Variants in ALG10B observed in about 807,000 individuals in gnomAD.
ALG10B encodes ALG10 alpha-1,2-glucosyltransferase B.
A neutral mutation model predicts 38.7 loss-of-function variants in ALG10B; 27 were observed. The ratio of observed to expected loss-of-function variants is 0.70; its 90% CI spans 0.51 to 0.96. The LOEUF (loss-of-function observed/expected upper bound fraction) is 0.96. Among genes scored for constraint, ALG10B ranks in the 40% least tolerant of loss-of-function variants. The pLI, the probability that ALG10B is intolerant of heterozygous loss-of-function variation, is 0.00. For missense variants in ALG10B, 522 were observed against 542.7 expected, an observed-to-expected ratio of 0.96 and a Z score of 0.38; for synonymous variants, 177 against 193.3, an observed-to-expected ratio of 0.92 and a Z score of 0.70.
At position 38,320,811 on chromosome 12, in the gene ALG10B, C is replaced by G; in HGVS notation, c.1020C>G (p.Phe340Leu). 2.5e-6 allele frequency: 4 copies of G among 1,613,764 alleles called. No individual in the cohort carries two copies. Among genetic ancestry groups the G allele is most frequent in the South Asian group, 2.2e-5 (2 of 91,044 alleles). The change falls in exon 3 of 3, where the codon TTC (phenylalanine) becomes TTG (leucine). Residue 340 changes from phenylalanine to leucine, a missense_variant. Physicochemically the swap from Phe to Leu is conservative, Grantham distance 22 (BLOSUM62 0). Coordinates refer to ENST00000308742, the MANE Select transcript of ALG10B (RefSeq NM_001013620.4). ...TLVSVFLVWK[F>L]TYAHKYLLAD... Reference sequence around the variant, plus strand: ...TCTCTGTGTTTTTAGTTTGGAAATTCACTTATGCTCATAAATACTTGCTAG... The same window carrying G: ...TCTCTGTGTTTTTAGTTTGGAAATTGACTTATGCTCATAAATACTTGCTAG...
At position 38,325,889 on chromosome 12, in the gene ALG10B, T is replaced by C. The variant is rs1945739983; in HGVS notation, c.*4676T>C. The C allele has an allele frequency of 6.6e-6, 1 of 152,172 alleles. No homozygotes were observed. The highest frequency in any genetic ancestry group is 1.5e-5 in the Non-Finnish European group (1 of 68,022). 9.4% of individuals were successfully genotyped at this position (152,172 alleles called of 1,614,324 possible). On this transcript the variant is annotated 3_prime_UTR_variant, in exon 3 of 3. Transcript: ENST00000308742. Reference sequence around the variant, plus strand: ...TTATAAGTATGTCATATGATAAATATTGAGTAAATATATACTGAATGAAGT... The same window carrying C: ...TTATAAGTATGTCATATGATAAATACTGAGTAAATATATACTGAATGAAGT...
In ALG10B at chr12:38,323,938, C is replaced by T; in HGVS notation, c.*2725C>T. On this transcript the variant is annotated 3_prime_UTR_variant, in exon 3 of 3. Coordinates refer to ENST00000308742, the MANE Select transcript of ALG10B (RefSeq NM_001013620.4). ...GAATACTTCTGAGAGGAGAAGCTTC[C>T]ACTCTGATCTAGTCTGGCAAAATTG... The T allele has an allele frequency of 4.3e-6, 3 of 702,070 alleles. No individual in the cohort carries two copies. The South Asian group carries it at 4.4e-5, about 10-fold the overall frequency. 43.5% of individuals were successfully genotyped at this position (702,070 alleles called of 1,614,324 possible).
rs1945697386 is a variant in ALG10B at position 38,320,853 on chromosome 12, T to C, written c.1062T>C (p.Tyr354=). 3 of 1,613,444 alleles carry C rather than the reference T, an allele frequency of 1.9e-6. No homozygotes were observed. The highest frequency in any genetic ancestry group is 1.3e-5 in the African/African-American group (1 of 74,888). ...HKYLLADNRH[Y]TFYVWKRVFQ... ...ACTTGCTAGCAGACAATAGACATTA[T>C]ACTTTCTATGTGTGGAAAAGAGTTT... is the stretch of plus-strand genomic sequence containing the variant. The change falls in exon 3 of 3, where the codon TAT becomes TAC. Residue 354 remains tyrosine (Y), a synonymous_variant. Coordinates refer to ENST00000308742, the MANE Select transcript of ALG10B (RefSeq NM_001013620.4).
At chr12:38,318,053 G>C (rs2120483007) in intron 1 of ALG10B, 1 of 599,390 alleles carries the variant, frequency 1.7e-6, no homozygotes, top group Admixed American at 3.0e-5. Flanking sequence ...TTTATTGGTT[G>C]CTGCTACCTG....
At position 38,321,229 on chromosome 12, in the gene ALG10B, G is replaced by A. The variant is rs777334687; in HGVS notation, c.*16G>A. ...TATGTGGTAATATCAGTGATATTTT[G>A]AACTGTAAAAATGGACTTAATAATT... On this transcript the variant is annotated 3_prime_UTR_variant, in exon 3 of 3. Coordinates refer to ENST00000308742, the MANE Select transcript of ALG10B (RefSeq NM_001013620.4). The A allele has an allele frequency of 5.0e-5, 81 of 1,604,540 alleles. No homozygotes were observed. Among genetic ancestry groups the A allele is most frequent in the Non-Finnish European group, 6.6e-5 (78 of 1,174,456 alleles).
Position 38,323,776 on chromosome 12 carries a change from CAAA to C in ALG10B, c.*2564_*2566del. On this transcript the variant is annotated 3_prime_UTR_variant, in exon 3 of 3. Transcript: ENST00000308742. The stretch of plus-strand genomic sequence containing the variant: ...TAAAAATTAGATGAGAGAGGACACT[CAAA>C]GAAATTATACTTTTGTCATTAATTT... 1.6e-6 allele frequency: 1 copy of C among 637,442 alleles called. No individual in the cohort carries two copies. Among genetic ancestry groups the C allele is most frequent in the East Asian group, 2.7e-5 (1 of 36,724 alleles). The allele number at this position is 637,442 out of a possible 1,614,324, so 39.5% of individuals were successfully genotyped here.
In ALG10B at chr12:38,326,760, C is replaced by G. The variant is rs1448861835; in HGVS notation, c.*5547C>G. Reference sequence around the variant, plus strand: ...AACTGACGTTTCCAATATACAAAAACTTGTGTAACTGAGAAAATTATAATA... The same window carrying G: ...AACTGACGTTTCCAATATACAAAAAGTTGTGTAACTGAGAAAATTATAATA... On this transcript the variant is annotated 3_prime_UTR_variant, in exon 3 of 3. Transcript: ENST00000308742. The G allele has an allele frequency of 1.3e-5, 2 of 151,442 alleles. No individual in the cohort carries two copies. Among genetic ancestry groups the G allele is most frequent in the Non-Finnish European group, 2.9e-5 (2 of 67,832 alleles). The allele number at this position is 151,442 out of a possible 1,614,324, so 9.4% of individuals were successfully genotyped here.
chr12:38,320,906 T>C lies in ALG10B; in HGVS notation c.1115T>C (p.Leu372Ser), dbSNP rs1945698084. 1 of 1,613,760 alleles carries C rather than the reference T, an allele frequency of 6.2e-7. No individual in the cohort carries two copies. Among genetic ancestry groups the C allele is most frequent in the Non-Finnish European group, 8.5e-7 (1 of 1,179,896 alleles). ...CAAAGATATGCAATTCTGAAATATT[T>C]GTTAGTTCCAGCCTATATATTTGCT... ...VFQRYAILKYLLVPAYIFAGW... is the reference protein window; with the variant it reads ...VFQRYAILKYSLVPAYIFAGW... Residue 372 changes from leucine (L) to serine (S), a missense_variant, in exon 3 of 3, where the codon TTG becomes TCG. Leu to Ser is a moderately radical substitution (Grantham distance 145). Coordinates refer to ENST00000308742, the MANE Select transcript of ALG10B (RefSeq NM_001013620.4).
rs1358293734 is a variant in ALG10B, at chr12:38,325,736, A to G, written c.*4523A>G. The G allele has an allele frequency of 2.6e-5, 4 of 152,182 alleles. No individual in the cohort carries two copies. The highest frequency in any genetic ancestry group is 9.7e-5 in the African/African-American group (4 of 41,432). 9.4% of individuals were successfully genotyped at this position (152,182 alleles called of 1,614,324 possible). On this transcript the variant is annotated 3_prime_UTR_variant, in exon 3 of 3. Transcript: ENST00000308742. ...GTTGTGGCTCTGGGATCAATAAGGC[A>G]AGTGGTTTAGTCTTTAGTCCTCATT...
rs1230019390 is a variant in ALG10B at position 38,325,606 on chromosome 12, G to A, written c.*4393G>A. ...TTAAAAAGTGAAGCAAGTAAGAATT[G>A]TGATATAAATTTGAAAATTTTTAAA... On this transcript the variant is annotated 3_prime_UTR_variant, in exon 3 of 3. Coordinates refer to ENST00000308742, the MANE Select transcript of ALG10B (RefSeq NM_001013620.4). The A allele has an allele frequency of 6.6e-6, 1 of 152,198 alleles. No homozygotes were observed. Among genetic ancestry groups the A allele is most frequent in the African/African-American group, 2.4e-5 (1 of 41,454 alleles). The allele number at this position is 152,198 out of a possible 1,614,324, so 9.4% of individuals were successfully genotyped here. A position where few individuals can be genotyped will look rare whatever the true frequency, so the allele number is the denominator to read the frequency against.
In ALG10B at chr12:38,316,791, G is replaced by C. The variant is rs1945658546; in HGVS notation, c.-103G>C. On this transcript the variant is annotated 5_prime_UTR_variant, in exon 1 of 3. Coordinates refer to ENST00000308742, the MANE Select transcript of ALG10B (RefSeq NM_001013620.4). The stretch of plus-strand genomic sequence containing the variant: ...TCCGGTATGTGGCCCCGTCTGGCTA[G>C]TCCTGTCTAGCGCGCCCATTTCGAG... 6.3e-7 allele frequency: 1 copy of C among 1,598,168 alleles called. No homozygotes were observed. Among genetic ancestry groups the C allele is most frequent in the Non-Finnish European group, 8.6e-7 (1 of 1,167,980 alleles).
Position 38,328,560 on chromosome 12 carries a change from T to C in ALG10B, c.*7347T>C, listed in dbSNP as rs1306117273. The C allele has an allele frequency of 6.6e-6, 1 of 152,206 alleles. No homozygotes were observed. The highest frequency in any genetic ancestry group is 1.5e-5 in the Non-Finnish European group (1 of 68,022). 9.4% of individuals were successfully genotyped at this position (152,206 alleles called of 1,614,324 possible). ...AGTGTTGTAGTTAAACTTTTATTAG[T>C]CTGAATTAAACTCTTTTATAGTGTT... On this transcript the variant is annotated 3_prime_UTR_variant, in exon 3 of 3. Transcript: ENST00000308742.
At position 38,329,011 on chromosome 12, in the gene ALG10B, A is replaced by C. The variant is rs536705843; in HGVS notation, c.*7798A>C. On this transcript the variant is annotated 3_prime_UTR_variant, in exon 3 of 3. Coordinates refer to ENST00000308742, the MANE Select transcript of ALG10B (RefSeq NM_001013620.4). Reference sequence around the variant, plus strand: ...ATAACTGTCTGAGCTGGGATTCGTAACCAGGCAGCCTGACTCCAAAATCAA... The same window carrying C: ...ATAACTGTCTGAGCTGGGATTCGTACCCAGGCAGCCTGACTCCAAAATCAA... 2.5e-6 allele frequency: 1 copy of C among 392,392 alleles called. No individual in the cohort carries two copies. The highest frequency in any genetic ancestry group is 3.6e-5 in the East Asian group (1 of 27,728). 24.3% of individuals were successfully genotyped at this position (392,392 alleles called of 1,614,324 possible). A position where few individuals can be genotyped will look rare whatever the true frequency, so the allele number is the denominator to read the frequency against.
In ALG10B at chr12:38,329,329, A is replaced by G. The variant is rs1945773877; in HGVS notation, c.*8116A>G. On this transcript the variant is annotated 3_prime_UTR_variant, in exon 3 of 3. Coordinates refer to ENST00000308742, the MANE Select transcript of ALG10B (RefSeq NM_001013620.4). ...GGCTGGAGCCTTCAGCCATATTAAC[A>G]TACATTGACATAAAGACCTTTGTTT... 1.3e-5 allele frequency: 5 copies of G among 397,428 alleles called. No homozygotes were observed. The highest frequency in any genetic ancestry group is 1.8e-5 in the Non-Finnish European group (4 of 225,490). The allele number at this position is 397,428 out of a possible 1,614,324, so 24.6% of individuals were successfully genotyped here.
rs1361080980 is a variant in ALG10B at position 38,322,445 on chromosome 12, T to C, written c.*1232T>C. ...AAAGGACATTTTAGGATAATCCTCA[T>C]ATGATTGTTAGGAGACTACCTTTAA... On this transcript the variant is annotated 3_prime_UTR_variant, in exon 3 of 3. Transcript: ENST00000308742. 1 of 152,240 alleles carries C rather than the reference T, an allele frequency of 6.6e-6. No individual in the cohort carries two copies. The highest frequency in any genetic ancestry group is 2.4e-5 in the African/African-American group (1 of 41,460). 9.4% of individuals were successfully genotyped at this position (152,240 alleles called of 1,614,324 possible). A position where few individuals can be genotyped will look rare whatever the true frequency, so the allele number is the denominator to read the frequency against.
rs1268634637 is a variant in ALG10B, at chr12:38,322,378, A to G, written c.*1165A>G. The G allele has an allele frequency of 1.3e-5, 2 of 152,206 alleles. No individual in the cohort carries two copies. The highest frequency in any genetic ancestry group is 1.5e-5 in the Non-Finnish European group (1 of 68,050). 9.4% of individuals were successfully genotyped at this position (152,206 alleles called of 1,614,324 possible). On this transcript the variant is annotated 3_prime_UTR_variant, in exon 3 of 3. Transcript: ENST00000308742. The stretch of plus-strand genomic sequence containing the variant: ...TTGTATTCACATGTTCTGAGTAGAC[A>G]TTGTCTCTTCATGGGATACTTTTCA...
chr12:38,320,851 T>G lies in ALG10B; in HGVS notation c.1060T>G (p.Tyr354Asp). The change falls in exon 3 of 3, where the codon TAT (tyrosine) becomes GAT (aspartate). Residue 354 changes from tyrosine to aspartate, a missense_variant. Physicochemically the swap from Tyr to Asp is radical, Grantham distance 160. Coordinates refer to ENST00000308742, the MANE Select transcript of ALG10B (RefSeq NM_001013620.4). ...HKYLLADNRHYTFYVWKRVFQ... is the reference protein window; with the variant it reads ...HKYLLADNRHDTFYVWKRVFQ... The stretch of plus-strand genomic sequence containing the variant: ...ATACTTGCTAGCAGACAATAGACAT[T>G]ATACTTTCTATGTGTGGAAAAGAGT... The G allele has an allele frequency of 2.5e-6, 4 of 1,613,506 alleles. No individual in the cohort carries two copies. Among genetic ancestry groups the G allele is most frequent in the Non-Finnish European group, 3.4e-6 (4 of 1,179,818 alleles).
chr12:38,322,669 A>G lies in ALG10B; in HGVS notation c.*1456A>G, dbSNP rs1173374707. 2 of 152,176 alleles carry G rather than the reference A, an allele frequency of 1.3e-5. No individual in the cohort carries two copies. Among genetic ancestry groups the G allele is most frequent in the African/African-American group, 4.8e-5 (2 of 41,454 alleles). 9.4% of individuals were successfully genotyped at this position (152,176 alleles called of 1,614,324 possible). A position where few individuals can be genotyped will look rare whatever the true frequency, so the allele number is the denominator to read the frequency against. ...AATGTACATACAGTGCTTAATTATT[A>G]GCTGTATTCACCATGTTGTGTAATA... On this transcript the variant is annotated 3_prime_UTR_variant, in exon 3 of 3. Transcript: ENST00000308742.
In ALG10B at chr12:38,320,933, G is replaced by C. The variant is rs750864980; in HGVS notation, c.1142G>C (p.Gly381Ala). Residue 381 changes from glycine (G) to alanine (A), a missense_variant, in exon 3 of 3, where the codon GGT becomes GCT. By Grantham distance (60) the Gly-to-Ala change is moderately conservative. Coordinates refer to ENST00000308742, the MANE Select transcript of ALG10B (RefSeq NM_001013620.4). ...TTAGTTCCAGCCTATATATTTGCTGGTTGGAGTATAGCTGACTCATTGAAA... is the reference window on the plus strand; with the variant it reads ...TTAGTTCCAGCCTATATATTTGCTGCTTGGAGTATAGCTGACTCATTGAAA... The part of the protein sequence containing the change: ...YLLVPAYIFA[G>A]WSIADSLKSK... 5 of 1,613,628 alleles carry C rather than the reference G, an allele frequency of 3.1e-6. No homozygotes were observed. The highest frequency in any genetic ancestry group is 4.2e-6 in the Non-Finnish European group (5 of 1,179,866).
Sources: allele counts gnomAD v4.1 joint callset, GRCh38; gene constraint gnomAD v4.1.1; transcripts MANE v1.5; gene names NCBI Gene and HGNC (gene_info 2026-07-23, HGNC 2026-07-21).